Variants in MLH3 observed in about 807,000 individuals in gnomAD.
MLH3 encodes the protein mutL homolog 3.
Under a neutral mutation model 122.2 loss-of-function variants are expected in MLH3, and 82 were observed. The observed-to-expected ratio is 0.67, with a 90% CI of 0.56 to 0.81. The LOEUF (loss-of-function observed/expected upper bound fraction) is 0.81. Ranked by LOEUF, MLH3 falls within the 30% of genes least tolerant of loss-of-function variation. The pLI is 0.00. For synonymous variants in MLH3, 524 were observed against 599.5 expected, an observed-to-expected ratio of 0.87 and a Z score of 1.84; for missense variants, 1,539 against 1,714.5, an observed-to-expected ratio of 0.90 and a Z score of 1.81.
intron 9 of MLH3, among the ~76,000 whole-genome samples, chr14:75,024,947 A>G (rs1890533905): frequency 6.6e-6 from 1 of 152,210 alleles, no homozygotes; most frequent in African/African-American, 2.4e-5. Context: ...TAGAGAAAGC[A>G]TGTCTGTGGG....
At chr14:75,021,256 T>C (rs886626322) in intron 11 of MLH3, among the ~76,000 whole-genome samples, 4 of 152,246 alleles carry the variant, frequency 2.6e-5, no homozygotes, top group African/African-American at 9.6e-5. Flanking sequence ...AAAGATTTCC[T>C]GGTAAAGACT....
rs150457716 is a variant in MLH3, at chr14:75,036,815, T to G, written c.3643+1525A>C. ...TATCCAATCCATCACCAAGCCCTGC[T>G]GACTCTATCTCCTAAATATCTTTCC... On this transcript the variant is annotated intron_variant, in intron 6 of 12. Transcript: ENST00000355774. 80 of 455,816 alleles carry G rather than the reference T, an allele frequency of 1.8e-4. No homozygotes were observed. In the East Asian group the frequency reaches 4.2e-3, roughly 24 times the overall value. The allele number at this position is 455,816 out of a possible 1,614,324, so 28.2% of individuals were successfully genotyped here.
intron 5 of MLH3, among the ~76,000 whole-genome samples, chr14:75,039,290 A>C (rs926420378): frequency 1.6e-4 from 24 of 152,256 alleles, no homozygotes; most frequent in African/African-American, 5.8e-4. Context: ...TTCTGGATCA[A>C]CTGCTTGCCT....
At chr14:75,024,421 G>A (rs28757037) in intron 9 of MLH3, among the ~76,000 whole-genome samples, 2,988 of 152,194 alleles carry the variant, frequency 0.02, 59 homozygotes, top group African/African-American at 0.047. Flanking sequence ...GGCTGGTCTC[G>A]AACTCCCGAC....
chr14:75,050,876 GTCTCCCCTTCTTC>G (rs1892608553), intron 1 of MLH3: 1 of 152,188 alleles, frequency 6.6e-6, no homozygotes, highest in African/African-American at 2.4e-5. Flanking sequence ...GCCATTAAAG[GTCTCCCCTTCTTC>G]TCCATCAGTG....
At chr14:75,044,005 C>G (rs1363268131) in intron 2 of MLH3, among the ~76,000 whole-genome samples, 1 of 152,088 alleles carries the variant, frequency 6.6e-6, no homozygotes, top group East Asian at 1.9e-4. Context: ...AGGAGAATCG[C>G]TTGAACTCAG....
rs904045980 is a variant in MLH3 at position 75,014,335 on chromosome 14, C to T, written c.*2747G>A. On this transcript the variant is annotated 3_prime_UTR_variant, in exon 13 of 13. Transcript: ENST00000355774. ...TTACATCTCATGTAGTTCCAGGTCC[C>T]CAGCCAGGTTCTGGATGTTACCCAA... 1.9e-4 allele frequency: 34 copies of T among 176,598 alleles called. No individual in the cohort carries two copies. The highest frequency in any genetic ancestry group is 7.8e-4 in the African/African-American group (33 of 42,318). The allele number at this position is 176,598 out of a possible 1,614,324, so 10.9% of individuals were successfully genotyped here. A position where few individuals can be genotyped will look rare whatever the true frequency, so the allele number is the denominator to read the frequency against.
intron 6 of MLH3, among the ~76,000 whole-genome samples, chr14:75,034,919 C>T (rs548843821): frequency 5.9e-5 from 9 of 151,436 alleles, no homozygotes; most frequent in Non-Finnish European, 1.0e-4. Flanking sequence ...AAGAATTAGC[C>T]GGGCGTGGTG....
intron 6 of MLH3, among the ~76,000 whole-genome samples, chr14:75,036,359 T>TA (rs915780701): frequency 2.6e-4 from 39 of 149,992 alleles, no homozygotes; most frequent in South Asian, 1.3e-3. Context: ...TTTTATTTTA[T>TA]TTTTTTGACA....
At chr14:75,036,918 A>C (rs1024044790) in intron 6 of MLH3, among the ~76,000 whole-genome samples, 4 of 152,136 alleles carry the variant, frequency 2.6e-5, no homozygotes, top group African/African-American at 9.7e-5. Flanking sequence ...TTTAACAGTC[A>C]ATCTACAGTT....
intron 9 of MLH3, among the ~76,000 whole-genome samples, chr14:75,025,247 C>T (rs1185381400): frequency 6.6e-6 from 1 of 152,188 alleles, no homozygotes; most frequent in Non-Finnish European, 1.5e-5. Flanking sequence ...AAAGAGTTGT[C>T]TACTTAGCTT....
chr14:75,039,227 G>A (rs2139462440), intron 5 of MLH3, among the ~76,000 whole-genome samples: 1 of 152,188 alleles, frequency 6.6e-6, no homozygotes, highest in African/African-American at 2.4e-5. Context: ...CTCTGTCTAG[G>A]TACTTGAGGC....
At chr14:75,017,745 A>T (rs1299418050) in intron 12 of MLH3, among the ~76,000 whole-genome samples, 1 of 152,242 alleles carries the variant, frequency 6.6e-6, no homozygotes, top group Non-Finnish European at 1.5e-5. Context: ...TGAAACAAAG[A>T]GGTTTTAATG....
At chr14:75,021,833 T>C (rs933886974) in intron 11 of MLH3, among the ~76,000 whole-genome samples, 3 of 152,172 alleles carry the variant, frequency 2.0e-5, no homozygotes, top group Non-Finnish European at 4.4e-5. Flanking sequence ...ACTGGGAATA[T>C]GCCCAAAGAA....
rs1889864316 is a variant in MLH3 at position 75,015,977 on chromosome 14, A to G, written c.*1105T>C. On this transcript the variant is annotated 3_prime_UTR_variant, in exon 13 of 13. Coordinates refer to ENST00000355774, the MANE Select transcript of MLH3 (RefSeq NM_001040108.2). ...TGCATCATCTTACTAATTGTATAGC[A>G]CCCCAGTTGCAATAAACATTACCAG... 4.3e-6 allele frequency: 1 copy of G among 231,728 alleles called. No homozygotes were observed. The highest frequency in any genetic ancestry group is 8.5e-6 in the Non-Finnish European group (1 of 117,250). The allele number at this position is 231,728 out of a possible 1,614,324, so 14.4% of individuals were successfully genotyped here.
rs190537801 is a variant in MLH3 at position 75,015,024 on chromosome 14, C to T, written c.*2058G>A. 1 of 178,470 alleles carries T rather than the reference C, an allele frequency of 5.6e-6. No homozygotes were observed. The highest frequency in any genetic ancestry group is 1.2e-5 in the Non-Finnish European group (1 of 83,186). The allele number at this position is 178,470 out of a possible 1,614,324, so 11.1% of individuals were successfully genotyped here. On this transcript the variant is annotated 3_prime_UTR_variant, in exon 13 of 13. Coordinates refer to ENST00000355774, the MANE Select transcript of MLH3 (RefSeq NM_001040108.2). ...AAATGGTGATAAAGCTACCACCTTA[C>T]CTCATGGACTGTCAAGAAACTAAAC...
In MLH3 at chr14:75,047,757, A is replaced by G. The variant is rs145978189; in HGVS notation, c.1899T>C (p.Pro633=). ...TEHSFKNYVR[P]GPTRAQETFG... ...ATGTTTCTTGGGCACGTGTGGGACC[A>G]GGTCTAACATAATTTTTAAATGAAT... Residue 633 remains proline (P), a synonymous_variant, in exon 2 of 13, where the codon CCT becomes CCC. Transcript: ENST00000355774. 20 of 1,614,160 alleles carry G rather than the reference A, an allele frequency of 1.2e-5. No homozygotes were observed. The Admixed American group carries it at 1.5e-4, about 12-fold the overall frequency.
At chr14:75,027,419 C>T (rs1595043161) in intron 9 of MLH3, among the ~76,000 whole-genome samples, 1 of 151,460 alleles carries the variant, frequency 6.6e-6, no homozygotes, top group African/African-American at 2.4e-5. Flanking sequence ...GCCACCATGC[C>T]CAGCTAATTT....
At chr14:75,031,969 G>A in intron 8 of MLH3, 99 bp downstream of exon 8, 2 of 841,552 alleles carry the variant, frequency 2.4e-6, no homozygotes, top group South Asian at 2.8e-5. Context: ...AACCTCTCTT[G>A]GTCTCATCTG....
Sources: gnomAD v4.1 joint callset for allele counts (sites outside exome capture counted in the v4.1 genomes callset) on GRCh38, gnomAD v4.1.1 for gene constraint, MANE v1.5 for transcripts, NCBI Gene and HGNC (gene_info 2026-07-23, HGNC 2026-07-21) for gene names.